CEACAM19: variants seen among roughly 807,000 people sequenced by gnomAD.
CEACAM19 encodes CEA cell adhesion molecule 19, also known as cell adhesion molecule CEACAM19.
In CEACAM19, 37 loss-of-function variants were observed where a neutral mutation model predicts 37.6. The observed-to-expected ratio is 0.98, with a 90% confidence interval of 0.76 to 1.29. The LOEUF (loss-of-function observed/expected upper bound fraction) is 1.29. CEACAM19 is among the 50% of genes most tolerant of loss of function. CEACAM19 has a pLI of 0.00. For synonymous variants in CEACAM19, 140 were observed against 149.8 expected (o/e 0.93, Z 0.48); for missense variants, 340 against 375.6 (o/e 0.91, Z 0.78).
intron 4 of CEACAM19, among the ~76,000 whole-genome samples, chr19:44,679,525 G>A (rs1013456670): frequency 6.6e-5 from 10 of 152,112 alleles, no homozygotes; most frequent in Admixed American, 5.2e-4. Flanking sequence ...CGAGGCTGGC[G>A]GATCACGAGG....
At chr19:44,670,135 C>A (rs552903706), upstream of CEACAM19, among the ~76,000 whole-genome samples, 1 of 151,218 alleles carries the variant, frequency 6.6e-6, no homozygotes, top group African/African-American at 2.4e-5. Context: ...CAGCCTGGGG[C>A]AACATAGTGA....
At chr19:44,678,161 T>A (rs1973986118) in intron 3 of CEACAM19, 1 of 151,964 alleles carries the variant, frequency 6.6e-6, no homozygotes, top group African/African-American at 2.4e-5. Context: ...TGTATTATTA[T>A]TTTTTGTAGA....
intron 2 of CEACAM19, among the ~76,000 whole-genome samples, chr19:44,675,107 T>C (rs1047292812): frequency 2.0e-5 from 3 of 149,786 alleles, no homozygotes; most frequent in Non-Finnish European, 4.5e-5. Context: ...CGTGTGTGTG[T>C]GTGTGTGTGT....
intron 3 of CEACAM19, among the ~76,000 whole-genome samples, chr19:44,677,340 G>A (rs1164498350): frequency 1.3e-5 from 2 of 151,844 alleles, no homozygotes; most frequent in African/African-American, 4.8e-5. Flanking sequence ...AGTGTAGACC[G>A]GCTCTCCAAA....
At position 44,671,535 on chromosome 19, in the gene CEACAM19, T is replaced by C. The variant is rs889597466; in HGVS notation, c.-397T>C. ...ACATCTGTGCAATGGGAACAGTTAT[T>C]TATGGTGGCTGCTGAATGAGGCAGT... On this transcript the variant is annotated 5_prime_UTR_variant, in exon 1 of 8. Coordinates refer to ENST00000358777, the MANE Select transcript of CEACAM19 (RefSeq NM_001127893.3). The C allele has an allele frequency of 5.0e-6, 2 of 403,828 alleles. No individual in the cohort carries two copies. Among genetic ancestry groups the C allele is most frequent in the African/African-American group, 4.1e-5 (2 of 48,848 alleles). The allele number at this position is 403,828 out of a possible 1,614,324, so 25.0% of individuals were successfully genotyped here. A position where few individuals can be genotyped will look rare whatever the true frequency, so the allele number is the denominator to read the frequency against.
At chr19:44,668,398 A>ATTATTATAT (rs1973783243), upstream of CEACAM19, among the ~76,000 whole-genome samples, 2 of 53,186 alleles carry the variant, frequency 3.8e-5, no homozygotes, top group African/African-American at 1.8e-4. Context: ...ATATTTATAT[A>ATTATTATAT]ATATGTTTAT....
chr19:44,667,987 TAG>T (rs1973766198), upstream of CEACAM19, among the ~76,000 whole-genome samples: 1 of 24,498 alleles, frequency 4.1e-5, no homozygotes, highest in African/African-American at 1.9e-4. Flanking sequence ...ATTATAAATA[TAG>T]TATATATTTA....
At chr19:44,668,142 TTA>T (rs1206052125), upstream of CEACAM19, among the ~76,000 whole-genome samples, 2 of 85,578 alleles carry the variant, frequency 2.3e-5, no homozygotes, top group Non-Finnish European at 4.0e-5. Flanking sequence ...ATATAATATA[TTA>T]TATATATTTA....
At chr19:44,676,540 C>A in intron 3 of CEACAM19, 119 bp downstream of exon 3, 1 of 973,336 alleles carries the variant, frequency 1.0e-6, no homozygotes, top group Non-Finnish European at 1.6e-6. Flanking sequence ...CTTGGAACTC[C>A]TGGGGTGAAA....
In CEACAM19 at chr19:44,672,772, T is replaced by C. The variant is rs758445597; in HGVS notation, c.232T>C (p.Phe78Leu). Residue 78 changes from phenylalanine to leucine, a missense_variant, in exon 2 of 8, where the codon TTT (phenylalanine) becomes CTT (leucine). Phe to Leu is a conservative substitution (Grantham distance 22). Coordinates refer to ENST00000358777, the MANE Select transcript of CEACAM19 (RefSeq NM_001127893.3). ...GGAGACGTACGGAGGCACGAGGCTA[T>C]TTACCTACATCCCTGGGATACAACG... ...GEETYGGTRL[F>L]TYIPGIQRPQ... 1.3e-6 allele frequency: 2 copies of C among 1,581,442 alleles called. No individual in the cohort carries two copies. Among genetic ancestry groups the C allele is most frequent in the South Asian group, 1.2e-5 (1 of 86,096 alleles).
At chr19:44,674,159 G>C (rs1973904984) in intron 2 of CEACAM19, among the ~76,000 whole-genome samples, 1 of 151,572 alleles carries the variant, frequency 6.6e-6, no homozygotes. Context: ...AGAATCACTT[G>C]AACCCAGGAG....
intron 2 of CEACAM19, among the ~76,000 whole-genome samples, chr19:44,674,232 T>G (rs1377117781): frequency 6.8e-6 from 1 of 146,918 alleles, no homozygotes; most frequent in East Asian, 2.0e-4. Flanking sequence ...AGAGCAAGAC[T>G]CCATCTCAAA....
Position 44,672,593 on chromosome 19 carries a change from C to T in CEACAM19, c.56-3C>T. On this transcript the variant is annotated splice_polypyrimidine_tract_variant and splice_region_variant and intron_variant, in intron 1 of 7. Coordinates refer to ENST00000358777, the MANE Select transcript of CEACAM19 (RefSeq NM_001127893.3). ...CTCAGCCCTTCCCTGTAACTTCCCACAGCCTCAATCCTGGTCCTCTGGATG... is the reference window on the plus strand; with the variant it reads ...CTCAGCCCTTCCCTGTAACTTCCCATAGCCTCAATCCTGGTCCTCTGGATG... 1 of 1,459,408 alleles carries T rather than the reference C, an allele frequency of 6.9e-7. No homozygotes were observed. Among genetic ancestry groups the T allele is most frequent in the Non-Finnish European group, 9.1e-7 (1 of 1,104,538 alleles). The allele number at this position is 1,459,408 out of a possible 1,614,324, so 90.4% of individuals were successfully genotyped here. A position where few individuals can be genotyped will look rare whatever the true frequency, so the allele number is the denominator to read the frequency against.
upstream of CEACAM19, among the ~76,000 whole-genome samples, chr19:44,667,620 TTATAAATA>T (rs1333511680): frequency 0.015 from 1,451 of 96,420 alleles, 18 homozygotes; most frequent in Non-Finnish European, 0.023. Context: ...TATTATATAT[TTATAAATA>T]TATAAATATA....
At chr19:44,677,646 C>T (rs1973975575) in intron 3 of CEACAM19, 1 of 152,076 alleles carries the variant, frequency 6.6e-6, no homozygotes, top group Admixed American at 6.6e-5. Flanking sequence ...AATTTTGTCT[C>T]CTTTCTCAAC....
intron 1 of CEACAM19, 37 bp downstream of exon 1, chr19:44,672,023 A>C: frequency 6.5e-7 from 1 of 1,534,722 alleles, no homozygotes; most frequent in Non-Finnish European, 8.9e-7. Context: ...CAAGGGGAGA[A>C]ATGGGGACTC....
At chr19:44,678,611 A>C (rs755078031) in intron 3 of CEACAM19, 126 of 354,510 alleles carry the variant, frequency 3.6e-4, no homozygotes, top group Non-Finnish European at 4.8e-4. Context: ...GGGTTTCACC[A>C]TGTTGGCCAG....
At chr19:44,679,063 G>C (rs1974006827) in intron 4 of CEACAM19, 127 bp downstream of exon 4, 8 of 1,390,778 alleles carry the variant, frequency 5.8e-6, no homozygotes, top group Non-Finnish European at 7.7e-6. Context: ...TGCGATCGTA[G>C]CTCACCGTAG....
chr19:44,665,911 C>T (rs1463763131), intron 1 of CEACAM19: 1 of 152,274 alleles, frequency 6.6e-6, no homozygotes, highest in Admixed American at 6.5e-5. Context: ...TCTCATTCAC[C>T]AGCGCCGCCC....
Sources: allele counts gnomAD v4.1 joint callset (sites outside exome capture counted in the v4.1 genomes callset), GRCh38; gene constraint gnomAD v4.1.1; transcripts MANE v1.5; gene names NCBI Gene and HGNC (gene_info 2026-07-23, HGNC 2026-07-21).